MTERF4: variants seen among roughly 807,000 people sequenced by gnomAD.
MTERF4 encodes the protein mitochondrial transcription termination factor 4, also known as transcription termination factor 4, mitochondrial.
Under a neutral mutation model 22.5 loss-of-function variants are expected in MTERF4, and 17 were observed. That is an observed-to-expected ratio of 0.75 (90% CI 0.52 to 1.13). MTERF4 has a LOEUF of 1.13. Ranked by LOEUF, MTERF4 falls within the 50% of genes most tolerant of loss-of-function variation. The pLI, the probability that MTERF4 is intolerant of heterozygous loss-of-function variation, is 0.00. For missense variants in MTERF4, 420 were observed against 466.8 expected, an observed-to-expected ratio of 0.90 and a Z score of 0.92; for synonymous variants, 165 against 175.3, an observed-to-expected ratio of 0.94 and a Z score of 0.47.
At chr2:241,087,582 C>T (rs537512737), downstream of MTERF4, 22 of 1,458,438 alleles carry the variant, frequency 1.5e-5, no homozygotes, top group Admixed American at 1.4e-4. Flanking sequence ...CTGAGCCAGG[C>T]GGTCTACTCG....
the MTERF4 span, among the ~76,000 whole-genome samples, chr2:241,065,905 G>A: frequency 5.5e-3 from 837 of 152,152 alleles, 4 homozygotes; most frequent in Middle Eastern, 0.014. Flanking sequence ...TTCCCAAAAG[G>A]GTCCCTAGAA....
rs941804512 is a variant in MTERF4 at position 241,095,656 on chromosome 2, G to A, written c.*342C>T. 4.0e-6 allele frequency: 1 copy of A among 250,822 alleles called. No homozygotes were observed. Among genetic ancestry groups the A allele is most frequent in the African/African-American group, 2.2e-5 (1 of 44,488 alleles). 15.5% of individuals were successfully genotyped at this position (250,822 alleles called of 1,614,324 possible). ...GAAGAATGAACCCCATCTTCCAACT[G>A]TCACGGAATTATCACCAACATATTC... On this transcript the variant is annotated 3_prime_UTR_variant, in exon 4 of 4. Transcript: ENST00000391980.
At chr2:241,049,113 C>T in the MTERF4 span, 10 of 1,611,636 alleles carry the variant, frequency 6.2e-6, no homozygotes, top group South Asian at 1.1e-5. Context: ...GCGTCTGCCA[C>T]ACCGACCACA....
chr2:241,097,895 T>A (rs1559339244), intron 2 of MTERF4, among the ~76,000 whole-genome samples: 2 of 152,198 alleles, frequency 1.3e-5, no homozygotes, highest in Non-Finnish European at 2.9e-5. Flanking sequence ...AGGAGTTCCA[T>A]CACCATCGTC....
rs1310445676 is a variant in MTERF4, at chr2:241,096,476, G to C, written c.706-38C>G. On this transcript the variant is annotated intron_variant, in intron 3 of 3. Transcript: ENST00000391980. The surrounding 1 kb of genome is among the most constrained non-coding windows in gnomAD (Gnocchi z 5.1). The stretch of plus-strand genomic sequence containing the variant: ...AACACACTTAGGAGTCCCAGATACA[G>C]AGTATTGAAACCTATCATTCTATAA... 1.3e-6 allele frequency: 2 copies of C among 1,599,920 alleles called. No individual in the cohort carries two copies. Among genetic ancestry groups the C allele is most frequent in the African/African-American group, 1.3e-5 (1 of 74,544 alleles).
chr2:241,069,590 G>A (rs1235787060), downstream of MTERF4, among the ~76,000 whole-genome samples: 1 of 152,182 alleles, frequency 6.6e-6, no homozygotes, highest in Non-Finnish European at 1.5e-5. This position sits in a 1 kb window ranked among gnomAD's most constrained non-coding sequence, Gnocchi z 4.9. Context: ...GTGGGGCAGG[G>A]GAGTCTGCAC....
At chr2:241,057,382 T>A in the MTERF4 span, among the ~76,000 whole-genome samples, 35 of 35,270 alleles carry the variant, frequency 9.9e-4, no homozygotes, top group African/African-American at 2.3e-3. Context: ...CATCTCAAAA[T>A]ATATATATAT....
chr2:241,071,712 GCCCCCCAGGTACATGCCCCACCCA>G, downstream of MTERF4: 1 of 903,634 alleles, frequency 1.1e-6, no homozygotes, highest in Non-Finnish European at 1.6e-6. Context: ...CCCCCACCCA[GCCCCCCAGGTACATGCCCCACCCA>G]TCGGCCCCAT....
chr2:241,050,322 C>T, the MTERF4 span, among the ~76,000 whole-genome samples: 2 of 152,174 alleles, frequency 1.3e-5, no homozygotes, highest in Non-Finnish European at 2.9e-5. Context: ...ATAGAAGTGT[C>T]CTTCTGTAAG....
chr2:241,101,604 A>G (rs1575202189), intron 1 of MTERF4, among the ~76,000 whole-genome samples: 1 of 152,238 alleles, frequency 6.6e-6, no homozygotes. Context: ...TCCCCTGTCC[A>G]GATGCTCCCT....
At chr2:241,067,657 T>C (rs142126467), downstream of MTERF4, 396 of 877,240 alleles carry the variant, frequency 4.5e-4, 3 homozygotes, top group East Asian at 8.9e-3. Flanking sequence ...CTCCAGTGCC[T>C]CTCTGTGGCC....
the MTERF4 span, chr2:241,050,020 C>T: frequency 2.0e-6 from 2 of 993,834 alleles, no homozygotes; most frequent in South Asian, 1.3e-5. Context: ...TGTCTCTCTC[C>T]TTGTTTCGCG....
At chr2:241,085,990 C>G (rs1433589757), downstream of MTERF4, among the ~76,000 whole-genome samples, 1 of 151,400 alleles carries the variant, frequency 6.6e-6, no homozygotes, top group Non-Finnish European at 1.5e-5. Flanking sequence ...GCCTCAGACT[C>G]CCAAGTAGCT....
downstream of MTERF4, chr2:241,088,342 C>A: frequency 1.3e-6 from 2 of 1,583,792 alleles, no homozygotes; most frequent in South Asian, 2.2e-5. Flanking sequence ...TTTCATTAAA[C>A]GACTTTTCTC....
chr2:241,100,834 T>C (rs1455096501), intron 1 of MTERF4, among the ~76,000 whole-genome samples: 1 of 152,198 alleles, frequency 6.6e-6, no homozygotes, highest in African/African-American at 2.4e-5. Context: ...ATACACTGAT[T>C]TTCAACTGGT....
At chr2:241,100,721 A>AAT (rs142098493) in intron 1 of MTERF4, among the ~76,000 whole-genome samples, 9,054 of 151,858 alleles carry the variant, frequency 0.06, 680 homozygotes, top group East Asian at 0.22. Context: ...TACAGAATGC[A>AAT]ATATATATAT....
At chr2:241,069,801 T>C, downstream of MTERF4, 11 of 1,182,178 alleles carry the variant, frequency 9.3e-6, no homozygotes, top group Non-Finnish European at 1.3e-5. The surrounding 1 kb of genome is among the most constrained non-coding windows in gnomAD (Gnocchi z 4.9). Flanking sequence ...CCATTCTCCA[T>C]AATAAAGAAT....
At chr2:241,071,763 C>T (rs761011741), downstream of MTERF4, 8 of 1,559,704 alleles carry the variant, frequency 5.1e-6, no homozygotes, top group Admixed American at 3.6e-5. Context: ...AGGCGGCGCT[C>T]GGACTGTGGT....
chr2:241,066,517 C>T, the MTERF4 span, among the ~76,000 whole-genome samples: 5 of 152,270 alleles, frequency 3.3e-5, no homozygotes, highest in African/African-American at 9.6e-5. Flanking sequence ...GACTCTCACC[C>T]AACATGCCTG....
Sources: gnomAD v4.1 joint callset for allele counts (sites outside exome capture counted in the v4.1 genomes callset) on GRCh38, gnomAD v4.1.1 for gene constraint, Gnocchi (gnomAD v3.1) non-coding constraint, MANE v1.5 for transcripts, NCBI Gene and HGNC (gene_info 2026-07-23, HGNC 2026-07-21) for gene names.